The following NFIB variants were observed in gnomAD, a reference collection of about 807,000 sequenced individuals.
NFIB encodes nuclear factor I B, also known as nuclear factor 1 B-type.
In NFIB, 11 loss-of-function variants were observed where a neutral mutation model predicts 61.5. The observed-to-expected ratio is 0.18, with a 90% CI of 0.11 to 0.30. NFIB has a LOEUF of 0.30. Among genes scored for constraint, NFIB ranks in the 10% least tolerant of loss-of-function variants. The pLI, the probability that NFIB is intolerant of heterozygous loss-of-function variation, is 1.00. For synonymous variants in NFIB, 260 were observed against 216.5 expected (o/e 1.20, Z -1.76); for missense variants, 471 against 608.9 (o/e 0.77, Z 2.38).
intron 2 of NFIB, chr9:14,204,538 G>C: frequency 7.4e-7 from 1 of 1,353,756 alleles, no homozygotes; most frequent in Non-Finnish European, 1.0e-6. Flanking sequence ...AGCTGCTTAA[G>C]CTGCCCCACA....
chr9:14,389,132 A>T (rs1041535253), intron 1 of NFIB, among the ~76,000 whole-genome samples: 1 of 152,174 alleles, frequency 6.6e-6, no homozygotes, highest in Non-Finnish European at 1.5e-5. Flanking sequence ...TTTTAATTGC[A>T]GTTTCCTCAT....
chr9:14,359,675 T>C (rs539289591), intron 1 of NFIB, among the ~76,000 whole-genome samples: 7 of 152,254 alleles, frequency 4.6e-5, no homozygotes, highest in African/African-American at 1.7e-4. Context: ...ACTGCAGCAC[T>C]AGTGTATGGT....
At chr9:14,289,848 G>T (rs998690462) in intron 2 of NFIB, among the ~76,000 whole-genome samples, 1 of 151,968 alleles carries the variant, frequency 6.6e-6, no homozygotes, top group Non-Finnish European at 1.5e-5. Context: ...GGGACTAAAA[G>T]TCAGTGCTAT....
chr9:14,246,067 C>G (rs1244120294), intron 2 of NFIB, among the ~76,000 whole-genome samples: 1 of 151,464 alleles, frequency 6.6e-6, no homozygotes, highest in African/African-American at 2.4e-5. Flanking sequence ...GTTTTCCTCT[C>G]TAATTCCTGA....
chr9:14,512,438 TTA>T, the NFIB span, among the ~76,000 whole-genome samples: 1 of 152,234 alleles, frequency 6.6e-6, no homozygotes, highest in African/African-American at 2.4e-5. Flanking sequence ...AGACAGATAT[TTA>T]TAATCATAGT....
intron 6 of NFIB, among the ~76,000 whole-genome samples, 186 bp from the exon 7 acceptor site, chr9:14,125,952 T>C (rs1397436057): frequency 1.3e-5 from 2 of 152,222 alleles, no homozygotes; most frequent in Non-Finnish European, 2.9e-5. Flanking sequence ...TCAATCTCCA[T>C]GGAAGCTAGC....
chr9:14,403,958 T>C (rs2061766841), upstream of NFIB, among the ~76,000 whole-genome samples: 2 of 152,120 alleles, frequency 1.3e-5, no homozygotes, highest in Admixed American at 1.3e-4. Flanking sequence ...AGAACATGAA[T>C]CTCTTTGGAT....
intron 6 of NFIB, among the ~76,000 whole-genome samples, chr9:14,136,120 C>A (rs776621728): frequency 4.6e-5 from 7 of 152,084 alleles, no homozygotes; most frequent in Non-Finnish European, 1.0e-4. Flanking sequence ...TAAAAAAATC[C>A]TTTGAATAAT....
chr9:14,243,060 C>T (rs1587872949), intron 2 of NFIB, among the ~76,000 whole-genome samples: 1 of 152,068 alleles, frequency 6.6e-6, no homozygotes, highest in African/African-American at 2.4e-5. Context: ...AAGGAAACAG[C>T]CCCCTGAAAG....
intron 2 of NFIB, among the ~76,000 whole-genome samples, chr9:14,225,484 G>C: frequency 8.5e-6 from 1 of 118,060 alleles, no homozygotes; most frequent in Non-Finnish European, 1.7e-5. Flanking sequence ...AAAAAAAGAA[G>C]AAGAAGAAAA....
rs2118322039 is a variant in NFIB, at chr9:14,082,402, ATT to A, written c.*5905_*5906del. On this transcript the variant is annotated 3_prime_UTR_variant, in exon 11 of 11. Transcript: ENST00000380953. ...CAAAAGTTGTTCTCAGAGAAATATC[ATT>A]GAGGTGGGGGCAGCTCTTCCCAGGA... 1 of 203,070 alleles carries A rather than the reference ATT, an allele frequency of 4.9e-6. No homozygotes were observed. Among genetic ancestry groups the A allele is most frequent in the East Asian group, 7.5e-5 (1 of 13,260 alleles). 12.6% of individuals were successfully genotyped at this position (203,070 alleles called of 1,614,324 possible).
intron 2 of NFIB, chr9:14,180,562 G>A (rs2046651591): frequency 6.6e-6 from 1 of 152,220 alleles, no homozygotes; most frequent in South Asian, 2.1e-4. Flanking sequence ...TGCCCTTTCG[G>A]ACTGATCTGA....
At chr9:14,484,454 A>G in the NFIB span, among the ~76,000 whole-genome samples, 2 of 152,336 alleles carry the variant, frequency 1.3e-5, 1 homozygote, top group South Asian at 4.1e-4. Context: ...CAATCTTCTC[A>G]TCTACTTCTT....
chr9:14,339,034 A>C (rs994447572), intron 1 of NFIB, among the ~76,000 whole-genome samples: 1 of 152,204 alleles, frequency 6.6e-6, no homozygotes, highest in Non-Finnish European at 1.5e-5. Context: ...AAAAGAGGAC[A>C]CACCATATTC....
chr9:14,316,216 C>T (rs1346869555), upstream of NFIB, among the ~76,000 whole-genome samples: 1 of 152,186 alleles, frequency 6.6e-6, no homozygotes. Context: ...CTTTTTAACC[C>T]CGTCCTGTCC....
At chr9:14,141,686 C>T (rs1448106581) in intron 6 of NFIB, among the ~76,000 whole-genome samples, 1 of 151,708 alleles carries the variant, frequency 6.6e-6, no homozygotes, top group Non-Finnish European at 1.5e-5. Context: ...ATCTCAAATC[C>T]CATACATGTA....
At chr9:14,513,933 A>C in the NFIB span, among the ~76,000 whole-genome samples, 1 of 152,224 alleles carries the variant, frequency 6.6e-6, no homozygotes, top group Non-Finnish European at 1.5e-5. Context: ...ACAGATACTA[A>C]ATACTGAACA....
At chr9:14,262,710 C>T (rs371991149) in intron 2 of NFIB, among the ~76,000 whole-genome samples, 7 of 152,072 alleles carry the variant, frequency 4.6e-5, no homozygotes, top group East Asian at 3.9e-4. Context: ...GAGACAGAAC[C>T]GACAGCGGAG....
chr9:14,203,492 G>A (rs541868936), intron 2 of NFIB, among the ~76,000 whole-genome samples: 1 of 152,276 alleles, frequency 6.6e-6, no homozygotes, highest in East Asian at 1.9e-4. Flanking sequence ...AGATATTTCT[G>A]GACTGTGTAT....
Sources: allele counts gnomAD v4.1 joint callset (sites outside exome capture counted in the v4.1 genomes callset), GRCh38; gene constraint gnomAD v4.1.1; transcripts MANE v1.5; gene names NCBI Gene and HGNC (gene_info 2026-07-23, HGNC 2026-07-21).